RGS5: variants seen among roughly 807,000 people sequenced by gnomAD.
RGS5 encodes regulator of G-protein signalling 5.
A neutral mutation model predicts 18.9 loss-of-function variants in RGS5; 20 were observed. The observed-to-expected ratio is 1.06, with a 90% CI of 0.74 to 1.54. RGS5 has a LOEUF of 1.54. RGS5 is among the 40% of genes most tolerant of loss of function. The pLI is 0.00. For missense variants in RGS5, 201 were observed against 211.8 expected, an observed-to-expected ratio of 0.95 and a Z score of 0.32; for synonymous variants, 57 against 76.2, an observed-to-expected ratio of 0.75 and a Z score of 1.31.
At chr1:163,275,968 A>AT (rs2101715234) in intron 2 of RGS5, among the ~76,000 whole-genome samples, 1 of 152,206 alleles carries the variant, frequency 6.6e-6, no homozygotes, top group East Asian at 1.9e-4. Context: ...AGCTCGTAAA[A>AT]TAAGAGTCTA....
rs576181690 is a variant in RGS5, at chr1:163,144,090, G to A, written c.*3252C>T. On this transcript the variant is annotated 3_prime_UTR_variant, in exon 5 of 5. Transcript: ENST00000313961. ...TACAGTAGAGAATTTGAGTACACGG[G>A]GTATGGAGAGTAGGGCACAAAATGT... 2 of 152,154 alleles carry A rather than the reference G, an allele frequency of 1.3e-5. No individual in the cohort carries two copies. The highest frequency in any genetic ancestry group is 3.9e-4 in the East Asian group (2 of 5,174). 9.4% of individuals were successfully genotyped at this position (152,154 alleles called of 1,614,324 possible).
intron 1 of RGS5, among the ~76,000 whole-genome samples, chr1:163,193,813 C>T (rs1169744880): frequency 6.6e-6 from 1 of 152,090 alleles, no homozygotes; most frequent in African/African-American, 2.4e-5. Flanking sequence ...CCTTCTCATC[C>T]CATCCTCAAG....
At chr1:163,228,288 T>C (rs745932777) in intron 2 of RGS5, among the ~76,000 whole-genome samples, 2 of 152,226 alleles carry the variant, frequency 1.3e-5, no homozygotes, top group Non-Finnish European at 2.9e-5. Context: ...TGCTCTGAAA[T>C]CTAGGTGGAG....
intron 2 of RGS5, among the ~76,000 whole-genome samples, chr1:163,282,725 T>A (rs1464570965): frequency 1.3e-5 from 2 of 151,846 alleles, no homozygotes; most frequent in African/African-American, 2.4e-5. Flanking sequence ...AATAAACAGA[T>A]AAATAAATAA....
chr1:163,221,899 A>G (rs2101678536), upstream of RGS5, among the ~76,000 whole-genome samples: 1 of 152,338 alleles, frequency 6.6e-6, no homozygotes, highest in South Asian at 2.1e-4. Context: ...TAACCTCTAC[A>G]GTTCTCCCAG....
chr1:163,148,044 G>A (rs914488861), intron 4 of RGS5, among the ~76,000 whole-genome samples: 16 of 148,240 alleles, frequency 1.1e-4, no homozygotes, highest in East Asian at 1.0e-3. Flanking sequence ...TCTTCTGCCC[G>A]AGCCTCCCAA....
At chr1:163,247,580 A>ATT (rs1461297746) in intron 2 of RGS5, among the ~76,000 whole-genome samples, 187 of 130,972 alleles carry the variant, frequency 1.4e-3, no homozygotes, top group African/African-American at 5.7e-3. Context: ...ATAGAAGTTG[A>ATT]TTTATATATA....
chr1:163,197,008 T>TA (rs1288802141), intron 1 of RGS5, among the ~76,000 whole-genome samples: 2 of 152,170 alleles, frequency 1.3e-5, no homozygotes, highest in African/African-American at 2.4e-5. Flanking sequence ...CTTTTAGTAA[T>TA]AAAATCATTT....
chr1:163,190,300 T>G (rs1012787616), intron 1 of RGS5, among the ~76,000 whole-genome samples: 2 of 152,166 alleles, frequency 1.3e-5, no homozygotes, highest in African/African-American at 4.8e-5. Flanking sequence ...GAATTTCCAT[T>G]TGAGGGTCAA....
intron 1 of RGS5, among the ~76,000 whole-genome samples, chr1:163,310,574 CA>C (rs36115669): frequency 0.26 from 16,657 of 63,652 alleles, 764 homozygotes; most frequent in South Asian, 0.42. Flanking sequence ...GACTCCGTCT[CA>C]AAAAAAAAAA....
chr1:163,217,129 G>A lies in RGS5; in HGVS notation c.69+397C>T, dbSNP rs1660237264. Among the ~76,000 whole-genome samples, 3 of 152,132 alleles carry A rather than the reference G, an allele frequency of 2.0e-5. No individual in the cohort carries two copies. In the South Asian group the frequency reaches 6.2e-4, roughly 32 times the overall value. On this transcript the variant is annotated intron_variant, in intron 1 of 5. Coordinates refer to the RGS5 transcript ENST00000367903. ...AGAGAGAATAAAAAAAATAACTATT[G>A]AGTACTAGGTTTAGTGGCTGGGTGG... is the stretch of plus-strand genomic sequence containing the variant.
chr1:163,231,818 A>T (rs1212956348), intron 2 of RGS5, among the ~76,000 whole-genome samples: 1 of 151,266 alleles, frequency 6.6e-6, no homozygotes, highest in East Asian at 1.9e-4. Context: ...TTGTTACTTC[A>T]TTCAAAGCAA....
At chr1:163,166,883 A>G (rs1658078369) in intron 2 of RGS5, among the ~76,000 whole-genome samples, 1 of 152,202 alleles carries the variant, frequency 6.6e-6, no homozygotes, top group Non-Finnish European at 1.5e-5. Flanking sequence ...CCAACGGATC[A>G]ATAAATTGTC....
intron 1 of RGS5, among the ~76,000 whole-genome samples, chr1:163,317,604 T>G (rs1367076982): frequency 6.6e-6 from 1 of 152,208 alleles, no homozygotes; most frequent in South Asian, 2.1e-4. Flanking sequence ...AATACTAACC[T>G]AATCATGTTG....
At chr1:163,213,479 T>C (rs978678613) in intron 1 of RGS5, among the ~76,000 whole-genome samples, 2 of 152,126 alleles carry the variant, frequency 1.3e-5, no homozygotes, top group African/African-American at 4.8e-5. Flanking sequence ...AACTTGATGA[T>C]GGATCTTCAT....
At chr1:163,159,659 T>C (rs1657722339) in intron 3 of RGS5, among the ~76,000 whole-genome samples, 1 of 152,188 alleles carries the variant, frequency 6.6e-6, no homozygotes, top group Non-Finnish European at 1.5e-5. Flanking sequence ...ACTAGAATAG[T>C]TATAAATGCT....
chr1:163,176,688 T>C (rs887930903), intron 1 of RGS5, among the ~76,000 whole-genome samples: 1 of 152,108 alleles, frequency 6.6e-6, no homozygotes, highest in African/African-American at 2.4e-5. Flanking sequence ...TGTTCACTTA[T>C]TTATTCAACA....
chr1:163,147,377 CA>C lies in RGS5; in HGVS notation c.510del (p.Phe170LeufsTer10), dbSNP rs758681744. 11 of 1,609,592 alleles carry C rather than the reference CA, an allele frequency of 6.8e-6. No individual in the cohort carries two copies. The African/African-American group carries it at 1.3e-4, about 20-fold the overall frequency. ...ALMEKDSLPR[F>X]VRSEFYQELI... ...AACTCCTGATAAAACTCAGAGCGCA[CA>C]AAGCGAGGCAGAGAATCCTTTTCCA... On this transcript the variant is annotated frameshift_variant, in exon 5 of 5. Coordinates refer to ENST00000313961, the MANE Select transcript of RGS5 (RefSeq NM_003617.4). LOFTEE classifies it high-confidence loss of function.
chr1:163,299,605 C>T (rs1649504132), intron 2 of RGS5, among the ~76,000 whole-genome samples: 1 of 152,184 alleles, frequency 6.6e-6, no homozygotes, highest in South Asian at 2.1e-4. Flanking sequence ...CTTTGAAAAG[C>T]TGGAAACACA....
Sources: gnomAD v4.1 joint callset for allele counts (sites outside exome capture counted in the v4.1 genomes callset) on GRCh38, gnomAD v4.1.1 for gene constraint, MANE v1.5 for transcripts, NCBI Gene and HGNC (gene_info 2026-07-23, HGNC 2026-07-21) for gene names.